Variants in DNAH11 observed in about 807,000 individuals in gnomAD.
DNAH11 encodes axonemal beta dynein heavy chain 11.
Under a neutral mutation model 526.0 loss-of-function variants are expected in DNAH11, and 442 were observed. The ratio of observed to expected loss-of-function variants is 0.84; its 90% CI spans 0.78 to 0.91. The LOEUF is 0.91. Ranked by LOEUF, DNAH11 falls within the 40% of genes least tolerant of loss-of-function variation. The pLI is 0.00. For missense variants in DNAH11, 6,989 were observed against 5,448.7 expected (o/e 1.28, Z -8.90); for synonymous variants, 2,461 against 1,935.9 (o/e 1.27, Z -7.12).
intron 28 of DNAH11, among the ~76,000 whole-genome samples, chr7:21,653,262 C>T (rs1276700313): frequency 1.3e-5 from 2 of 152,062 alleles, no homozygotes; most frequent in African/African-American, 2.4e-5. Context: ...TTAACAAATA[C>T]GAAGCAATCT....
At chr7:21,568,870 C>T (rs1783773158) in intron 6 of DNAH11, among the ~76,000 whole-genome samples, 1 of 150,434 alleles carries the variant, frequency 6.6e-6, no homozygotes, top group Non-Finnish European at 1.5e-5. Flanking sequence ...ATATGGAATA[C>T]ACCATATGCC....
intron 38 of DNAH11, among the ~76,000 whole-genome samples, chr7:21,705,101 C>T (rs1047956512): frequency 6.6e-6 from 1 of 152,150 alleles, no homozygotes; most frequent in Admixed American, 6.5e-5. Context: ...ACACTATATA[C>T]ATTATCCATT....
chr7:21,733,591 C>T (rs1314976779), intron 45 of DNAH11, among the ~76,000 whole-genome samples: 4 of 152,204 alleles, frequency 2.6e-5, no homozygotes, highest in Admixed American at 1.3e-4. Context: ...AAGATTGATG[C>T]ACCTTAGCGA....
intron 46 of DNAH11, among the ~76,000 whole-genome samples, chr7:21,738,441 T>C (rs898972132): frequency 6.6e-6 from 1 of 152,138 alleles, no homozygotes. Flanking sequence ...GATGACAATG[T>C]GATGTCATGC....
intron 54 of DNAH11, among the ~76,000 whole-genome samples, chr7:21,753,153 C>T (rs560197541): frequency 6.6e-6 from 1 of 152,296 alleles, no homozygotes; most frequent in Admixed American, 6.5e-5. Context: ...TCTTTCCCTT[C>T]TGCCTGCTTT....
chr7:21,677,950 C>T lies in DNAH11; in HGVS notation c.5329-3596C>T, dbSNP rs565909802. ...TGTTGCCGTTGAGTTGTATGAGTTC[C>T]TTATATATTTTAGATATTAATTCCT... On this transcript the variant is annotated intron_variant, in intron 30 of 81. Coordinates refer to ENST00000409508, the MANE Select transcript of DNAH11 (RefSeq NM_001277115.2). 2.6e-5 allele frequency among the ~76,000 whole-genome samples: 4 copies of T among 152,234 alleles called. No individual in the cohort carries two copies. The East Asian group carries it at 7.7e-4, about 29-fold the overall frequency.
At chr7:21,696,143 A>G (rs1025720140) in intron 35 of DNAH11, among the ~76,000 whole-genome samples, 4 of 152,182 alleles carry the variant, frequency 2.6e-5, no homozygotes, top group Non-Finnish European at 4.4e-5. Context: ...TGCTTTTAAA[A>G]TAATATTCCA....
intron 25 of DNAH11, among the ~76,000 whole-genome samples, chr7:21,626,397 TA>T (rs1786335449): frequency 6.6e-6 from 1 of 152,242 alleles, no homozygotes; most frequent in Admixed American, 6.5e-5. Context: ...TTGGCTATTG[TA>T]AATTAGTACT....
chr7:21,645,390 T>C (rs1487953242), intron 28 of DNAH11, among the ~76,000 whole-genome samples: 1 of 152,150 alleles, frequency 6.6e-6, no homozygotes. Context: ...CTGAAGAGCA[T>C]TTAAAGAGTA....
intron 79 of DNAH11, among the ~76,000 whole-genome samples, chr7:21,897,592 T>A (rs188436540): frequency 6.7e-6 from 1 of 150,082 alleles, no homozygotes; most frequent in East Asian, 2.0e-4. Context: ...TTCAAAGGTA[T>A]AATTTAGGAA....
intron 62 of DNAH11, among the ~76,000 whole-genome samples, chr7:21,807,049 C>G (rs1388813039): frequency 6.6e-6 from 1 of 152,156 alleles, no homozygotes; most frequent in African/African-American, 2.4e-5. Flanking sequence ...GCTATTTCAG[C>G]TTTATGTTTT....
intron 45 of DNAH11, among the ~76,000 whole-genome samples, chr7:21,734,166 G>C (rs1785507217): frequency 6.6e-6 from 1 of 152,202 alleles, no homozygotes; most frequent in Non-Finnish European, 1.5e-5. Flanking sequence ...TAGTAGCTAT[G>C]ACCTTGACCG....
At chr7:21,863,670 C>G (rs1783161563) in intron 69 of DNAH11, among the ~76,000 whole-genome samples, 1 of 152,188 alleles carries the variant, frequency 6.6e-6, no homozygotes, top group Admixed American at 6.5e-5. Context: ...TAATACATGA[C>G]ATGAACATCT....
chr7:21,692,031 C>G (rs1485687205), intron 35 of DNAH11, among the ~76,000 whole-genome samples: 1 of 152,202 alleles, frequency 6.6e-6, no homozygotes, highest in East Asian at 1.9e-4. Flanking sequence ...ACATGTGTTG[C>G]TATACCTAGT....
At chr7:21,709,201 A>C (rs769900522) in intron 40 of DNAH11, among the ~76,000 whole-genome samples, 1 of 152,232 alleles carries the variant, frequency 6.6e-6, no homozygotes, top group Non-Finnish European at 1.5e-5. Flanking sequence ...GGTGGATTAA[A>C]GAAAACATGG....
In DNAH11 at chr7:21,735,641, C is replaced by G. The variant is rs1386366508; in HGVS notation, c.7442C>G (p.Thr2481Arg). Reference protein sequence around the residue: ...FTMDPDVPLQTVLVHTTETAR... With the variant: ...FTMDPDVPLQRVLVHTTETAR... ...GTCTCATTCTGTTTCTCCTCCCAGA[C>G]AGTTCTCGTTCACACAACAGAGACA... The change falls in exon 46 of 82, where the codon ACA becomes AGA. Residue 2481 changes from threonine to arginine, a missense_variant and splice_region_variant. Thr to Arg is a moderately conservative substitution (Grantham distance 71). Coordinates refer to ENST00000409508, the MANE Select transcript of DNAH11 (RefSeq NM_001277115.2). 6.3e-7 allele frequency: 1 copy of G among 1,577,680 alleles called. No homozygotes were observed. The highest frequency in any genetic ancestry group is 8.6e-7 in the Non-Finnish European group (1 of 1,160,112).
At chr7:21,866,769 G>C (rs1783298825) in intron 71 of DNAH11, 106 bp downstream of exon 71, 3 of 1,222,646 alleles carry the variant, frequency 2.5e-6, no homozygotes. Context: ...CATTTTGATG[G>C]GGAGTGATTC....
Position 21,617,788 on chromosome 7 carries a change from T to A in DNAH11, c.4254+11T>A, listed in dbSNP as rs1330645497. ...ATGAAAGCTATTGGGGTCAGTATCCTTGGTCTCACTAATGAACCTTTTTAT... is the reference window on the plus strand; with the variant it reads ...ATGAAAGCTATTGGGGTCAGTATCCATGGTCTCACTAATGAACCTTTTTAT... On this transcript the variant is annotated intron_variant, in intron 23 of 81. Transcript: ENST00000409508. 1 of 1,570,450 alleles carries A rather than the reference T, an allele frequency of 6.4e-7. No homozygotes were observed. The highest frequency in any genetic ancestry group is 8.6e-7 in the Non-Finnish European group (1 of 1,160,526).
chr7:21,685,610 C>A (rs1201008913), intron 32 of DNAH11, among the ~76,000 whole-genome samples: 1 of 152,134 alleles, frequency 6.6e-6, no homozygotes, highest in Non-Finnish European at 1.5e-5. Context: ...ATAGTGTCTC[C>A]TTCTTCCATA....
Sources: allele counts gnomAD v4.1 joint callset (sites outside exome capture counted in the v4.1 genomes callset), GRCh38; gene constraint gnomAD v4.1.1; transcripts MANE v1.5; gene names NCBI Gene and HGNC (gene_info 2026-07-23, HGNC 2026-07-21).